Variants in TCEA3 observed in about 807,000 individuals in gnomAD.
The protein encoded by TCEA3 is transcription elongation factor A protein 3.
TCEA3 carries 36 observed loss-of-function variants against 44.0 expected under a neutral mutation model. The observed-to-expected ratio is 0.82, with a 90% CI of 0.63 to 1.08. The LOEUF (loss-of-function observed/expected upper bound fraction) is 1.08, where lower values mean the gene tolerates loss of function less well. Ranked by LOEUF, TCEA3 falls within the 50% of genes least tolerant of loss-of-function variation. TCEA3 has a pLI of 0.00. For missense variants in TCEA3, 392 were observed against 441.2 expected (o/e 0.89, Z 1.00); for synonymous variants, 162 against 159.7 (o/e 1.01, Z -0.11).
intron 4 of TCEA3, among the ~76,000 whole-genome samples, chr1:23,410,592 A>G (rs1312674460): frequency 6.6e-6 from 1 of 152,024 alleles, no homozygotes; most frequent in Non-Finnish European, 1.5e-5. Flanking sequence ...CACTTGAGTC[A>G]GGAGTTCAAA....
chr1:23,419,041 CAGGCA>C, intron 2 of TCEA3, 31 bp downstream of exon 2: 1 of 1,259,778 alleles, frequency 7.9e-7, no homozygotes, highest in Non-Finnish European at 1.1e-6. Flanking sequence ...GCTCTCCCCC[CAGGCA>C]CTGTCCCAAG....
intron 1 of TCEA3, among the ~76,000 whole-genome samples, chr1:23,421,740 G>A (rs1237365597): frequency 6.6e-6 from 1 of 152,194 alleles, no homozygotes; most frequent in Non-Finnish European, 1.5e-5. Flanking sequence ...GATTATTTTG[G>A]AGGATTCCTT....
At chr1:23,386,531 C>T (rs1186673857) in intron 9 of TCEA3, among the ~76,000 whole-genome samples, 3 of 151,950 alleles carry the variant, frequency 2.0e-5, no homozygotes, top group African/African-American at 7.3e-5. Context: ...AGCCACTGAG[C>T]TGGCCCAGCC....
intron 8 of TCEA3, among the ~76,000 whole-genome samples, chr1:23,390,262 A>T (rs971276392): frequency 6.6e-6 from 1 of 152,194 alleles, no homozygotes; most frequent in Non-Finnish European, 1.5e-5. Context: ...TGAGGTCAGG[A>T]GTTTGAGACC....
At chr1:23,384,281 A>G in intron 10 of TCEA3, 65 bp downstream of exon 10, 1 of 1,612,450 alleles carries the variant, frequency 6.2e-7, no homozygotes, top group Non-Finnish European at 8.5e-7. Context: ...TTGTGGGTAC[A>G]CTACGCCTTA....
At chr1:23,398,620 A>C (rs1639290233) in intron 5 of TCEA3, among the ~76,000 whole-genome samples, 1 of 152,234 alleles carries the variant, frequency 6.6e-6, no homozygotes, top group East Asian at 1.9e-4. Flanking sequence ...TAGCAGTCCC[A>C]GGAGGTATAC....
At chr1:23,420,768 C>T (rs929855752) in intron 1 of TCEA3, among the ~76,000 whole-genome samples, 12 of 152,284 alleles carry the variant, frequency 7.9e-5, no homozygotes, top group African/African-American at 1.4e-4. Flanking sequence ...AGAACTAAAG[C>T]AGAAAGAAGG....
At chr1:23,419,441 T>G in intron 1 of TCEA3, 1 of 282,176 alleles carries the variant, frequency 3.5e-6, no homozygotes, top group Non-Finnish European at 6.6e-6. Flanking sequence ...CCCAAATGAA[T>G]TCCTTCCTGG....
In TCEA3 at chr1:23,381,363, G is replaced by A. The variant is rs1638668099; in HGVS notation, c.*103C>T. The A allele has an allele frequency of 2.6e-6, 2 of 760,876 alleles. No homozygotes were observed. Among genetic ancestry groups the A allele is most frequent in the Non-Finnish European group, 4.9e-6 (2 of 409,948 alleles). 47.1% of individuals were successfully genotyped at this position (760,876 alleles called of 1,614,324 possible). A position where few individuals can be genotyped will look rare whatever the true frequency, so the allele number is the denominator to read the frequency against. ...ACTCATACCATCCCACTCAGACAGA[G>A]TTCAGTATTTTCCTTCACTTTAATT... On this transcript the variant is annotated 3_prime_UTR_variant, in exon 11 of 11. Coordinates refer to ENST00000450454, the MANE Select transcript of TCEA3 (RefSeq NM_003196.3).
chr1:23,408,885 C>T (rs1006137386), intron 4 of TCEA3, among the ~76,000 whole-genome samples, 159 bp from the exon 5 acceptor site: 13 of 152,184 alleles, frequency 8.5e-5, no homozygotes, highest in South Asian at 2.1e-4. Flanking sequence ...CAGGCGGTGC[C>T]GGCTGGTCAT....
chr1:23,400,119 C>T (rs1312922453), intron 5 of TCEA3, among the ~76,000 whole-genome samples: 1 of 152,190 alleles, frequency 6.6e-6, no homozygotes, highest in African/African-American at 2.4e-5. Context: ...AGGATCTAAC[C>T]AGACTCTGGG....
chr1:23,397,676 A>G (rs941664394), intron 6 of TCEA3, 75 bp from the exon 7 acceptor site: 1 of 1,603,668 alleles, frequency 6.2e-7, no homozygotes, highest in Non-Finnish European at 8.5e-7. Flanking sequence ...ACCTGGGACT[A>G]GAGTGTTCCT....
At chr1:23,386,469 CT>C (rs1344712082) in intron 9 of TCEA3, among the ~76,000 whole-genome samples, 1 of 152,174 alleles carries the variant, frequency 6.6e-6, no homozygotes, top group African/African-American at 2.4e-5. Flanking sequence ...AACTCCTAGG[CT>C]CAAGCAATCT....
intron 5 of TCEA3, 120 bp downstream of exon 5, chr1:23,408,544 T>A: frequency 2.0e-6 from 2 of 1,003,846 alleles, no homozygotes; most frequent in South Asian, 1.7e-5. Context: ...GGGGGCAACA[T>A]AATGTAGGAG....
chr1:23,382,321 C>T (rs1038368092), intron 10 of TCEA3, among the ~76,000 whole-genome samples: 3 of 152,024 alleles, frequency 2.0e-5, no homozygotes, highest in African/African-American at 4.8e-5. Context: ...ATTACAGGCA[C>T]GAGCCACTGC....
In TCEA3 at chr1:23,417,997, C is replaced by T; in HGVS notation, c.145G>A (p.Gly49Arg). The T allele has an allele frequency of 1.9e-6, 3 of 1,614,060 alleles. No individual in the cohort carries two copies. The highest frequency in any genetic ancestry group is 2.5e-6 in the Non-Finnish European group (3 of 1,179,890). Residue 49 changes from glycine to arginine, a missense_variant, in exon 3 of 11, where the codon GGA becomes AGA. Physicochemically the swap from Gly to Arg is moderately radical, Grantham distance 125. Coordinates refer to ENST00000450454, the MANE Select transcript of TCEA3 (RefSeq NM_003196.3). ...TTGCGGACCCCATTAACAGCAACTC[C>T]AATCCTGGTTGTCTGCAAAGTGAGA... ...SIQLLQTTRIGVAVNGVRKHC... is the reference protein window; with the variant it reads ...SIQLLQTTRIRVAVNGVRKHC...
chr1:23,417,186 T>C (rs1639916499), intron 4 of TCEA3, 63 bp downstream of exon 4: 2 of 1,562,914 alleles, frequency 1.3e-6, no homozygotes, highest in Non-Finnish European at 1.7e-6. Context: ...TAATATACAC[T>C]GAGTTGCTGT....
At chr1:23,415,009 CTGTTCTT>C (rs1639845573) in intron 4 of TCEA3, among the ~76,000 whole-genome samples, 1 of 129,018 alleles carries the variant, frequency 7.8e-6, no homozygotes, top group Admixed American at 8.2e-5. Context: ...AATCCCTTTA[CTGTTCTT>C]TTTTTTTTTT....
chr1:23,418,486 A>G (rs1044362356), intron 2 of TCEA3, among the ~76,000 whole-genome samples: 13 of 151,998 alleles, frequency 8.6e-5, no homozygotes, highest in African/African-American at 2.9e-4. Context: ...TAATTTTTGT[A>G]TCTTTAGTAG....
Sources: gnomAD v4.1 joint callset for allele counts (sites outside exome capture counted in the v4.1 genomes callset) on GRCh38, gnomAD v4.1.1 for gene constraint, MANE v1.5 for transcripts, NCBI Gene and HGNC (gene_info 2026-07-23, HGNC 2026-07-21) for gene names.